Variants in PDE4B observed in about 807,000 individuals in gnomAD.
PDE4B encodes the protein phosphodiesterase 4B, also known as 3',5'-cyclic-AMP phosphodiesterase 4B.
Under a neutral mutation model 82.2 loss-of-function variants are expected in PDE4B, and 20 were observed. That is an observed-to-expected ratio of 0.24 (90% CI 0.17 to 0.35). PDE4B has a LOEUF of 0.35. Among genes scored for constraint, PDE4B ranks in the 10% least tolerant of loss-of-function variants. PDE4B has a pLI of 1.00. For synonymous variants in PDE4B, 320 were observed against 318.9 expected (o/e 1.00, Z -0.04); for missense variants, 655 against 907.2 (o/e 0.72, Z 3.57).
At chr1:66,338,925 A>G (rs968962984) in intron 8 of PDE4B, among the ~76,000 whole-genome samples, 1 of 150,132 alleles carries the variant, frequency 6.7e-6, no homozygotes, top group African/African-American at 2.4e-5. Context: ...AGGCTGAGGC[A>G]GGAGAATGGC....
chr1:65,819,750 C>T (rs1252032127), intron 1 of PDE4B, among the ~76,000 whole-genome samples: 1 of 152,012 alleles, frequency 6.6e-6, no homozygotes, highest in African/African-American at 2.4e-5. Context: ...CCGCCTGCCT[C>T]GGCCTCCCAA....
At chr1:66,232,114 G>A (rs1651999907) in intron 3 of PDE4B, among the ~76,000 whole-genome samples, 1 of 152,236 alleles carries the variant, frequency 6.6e-6, no homozygotes, top group Non-Finnish European at 1.5e-5. Context: ...CCTGGAGACT[G>A]AGCTTTAATA....
At chr1:66,330,448 T>C (rs550184128) in intron 7 of PDE4B, among the ~76,000 whole-genome samples, 2 of 152,328 alleles carry the variant, frequency 1.3e-5, no homozygotes, top group South Asian at 2.1e-4. Context: ...ATCAGATCCC[T>C]TTTTTCCTCT....
intron 3 of PDE4B, among the ~76,000 whole-genome samples, chr1:66,073,812 G>T (rs919294479): frequency 6.6e-6 from 1 of 152,064 alleles, no homozygotes; most frequent in African/African-American, 2.4e-5. Context: ...TGCCTCTAAG[G>T]ACATTAACAA....
At chr1:66,322,183 A>G (rs1198046224) in intron 7 of PDE4B, among the ~76,000 whole-genome samples, 1 of 152,226 alleles carries the variant, frequency 6.6e-6, no homozygotes, top group African/African-American at 2.4e-5. Context: ...AAGATGGATT[A>G]AAGACTTAAA....
At chr1:66,150,692 G>A (rs1053547545) in intron 3 of PDE4B, among the ~76,000 whole-genome samples, 3 of 152,056 alleles carry the variant, frequency 2.0e-5, no homozygotes, top group African/African-American at 4.8e-5. Context: ...GTCTTTCATC[G>A]GATTGCAGAA....
chr1:66,293,052 T>C (rs932372603), intron 7 of PDE4B, among the ~76,000 whole-genome samples: 9 of 152,192 alleles, frequency 5.9e-5, no homozygotes, highest in Non-Finnish European at 1.3e-4. Flanking sequence ...ATTGGGTCCA[T>C]GGCATTTGGC....
intron 7 of PDE4B, among the ~76,000 whole-genome samples, chr1:66,294,206 A>C (rs1356114157): frequency 6.6e-6 from 1 of 152,120 alleles, no homozygotes; most frequent in Non-Finnish European, 1.5e-5. Flanking sequence ...ACTCCGTCTC[A>C]ATTAAAATTA....
At chr1:65,894,118 A>T (rs1220412749) in intron 1 of PDE4B, among the ~76,000 whole-genome samples, 2 of 152,024 alleles carry the variant, frequency 1.3e-5, no homozygotes, top group African/African-American at 4.8e-5. Context: ...GTAACCAAAA[A>T]CTACCTGTAC....
At chr1:66,128,998 A>G (rs546110362) in intron 3 of PDE4B, among the ~76,000 whole-genome samples, 3 of 152,322 alleles carry the variant, frequency 2.0e-5, no homozygotes, top group African/African-American at 7.2e-5. Context: ...ACACAGCCGA[A>G]CCATATCAGC....
At chr1:66,232,609 A>G (rs560365389) in intron 3 of PDE4B, among the ~76,000 whole-genome samples, 3 of 152,236 alleles carry the variant, frequency 2.0e-5, no homozygotes, top group Non-Finnish European at 2.9e-5. Context: ...AATTGGAAAA[A>G]AAGTTAGAGT....
At chr1:65,847,626 C>A (rs1278183309) in intron 1 of PDE4B, among the ~76,000 whole-genome samples, 10 of 152,200 alleles carry the variant, frequency 6.6e-5, no homozygotes, top group Admixed American at 6.5e-4. Flanking sequence ...CTGCAGTTCT[C>A]AGCAGCCTGT....
intron 3 of PDE4B, among the ~76,000 whole-genome samples, chr1:65,920,045 T>C (rs1647209178): frequency 6.6e-6 from 1 of 152,218 alleles, no homozygotes; most frequent in Non-Finnish European, 1.5e-5. Context: ...TAGCCAATCA[T>C]GGAGAATTAA....
At chr1:66,096,944 T>C (rs1645131275) in intron 3 of PDE4B, among the ~76,000 whole-genome samples, 2 of 151,990 alleles carry the variant, frequency 1.3e-5, no homozygotes, top group African/African-American at 4.8e-5. Flanking sequence ...AGCTGTTTGT[T>C]CCTTTATTGT....
At chr1:66,069,711 A>G (rs1656052956) in intron 3 of PDE4B, among the ~76,000 whole-genome samples, 2 of 152,032 alleles carry the variant, frequency 1.3e-5, no homozygotes, top group Non-Finnish European at 2.9e-5. Context: ...TATTGGTACC[A>G]TTATAGATAA....
At chr1:65,948,329 G>A (rs147319980) in intron 3 of PDE4B, among the ~76,000 whole-genome samples, 2 of 151,912 alleles carry the variant, frequency 1.3e-5, no homozygotes, top group East Asian at 3.9e-4. Flanking sequence ...ATATATATGA[G>A]AGCTTATTAT....
chr1:66,250,116 G>A (rs912255369), intron 4 of PDE4B, among the ~76,000 whole-genome samples: 20 of 152,156 alleles, frequency 1.3e-4, no homozygotes, highest in African/African-American at 4.6e-4. Flanking sequence ...CTAAAGTAAT[G>A]CTCTTAAAGC....
chr1:66,168,721 A>C (rs924490411), intron 3 of PDE4B, among the ~76,000 whole-genome samples: 2 of 152,206 alleles, frequency 1.3e-5, no homozygotes, highest in Non-Finnish European at 2.9e-5. Context: ...TACATTTCTA[A>C]AGAGTTATCT....
chr1:66,075,277 C>A (rs556990902), intron 3 of PDE4B, among the ~76,000 whole-genome samples: 2 of 152,104 alleles, frequency 1.3e-5, no homozygotes, highest in Admixed American at 6.5e-5. Context: ...GTTCACCTGC[C>A]CTACATCAGC....
Sources: gnomAD v4.1 joint callset for allele counts (sites outside exome capture counted in the v4.1 genomes callset) on GRCh38, gnomAD v4.1.1 for gene constraint, MANE v1.5 for transcripts, NCBI Gene and HGNC (gene_info 2026-07-23, HGNC 2026-07-21) for gene names.